MAST4: variants seen among roughly 807,000 people sequenced by gnomAD.
MAST4 encodes the protein microtubule-associated serine/threonine-protein kinase 4.
MAST4 carries 89 observed loss-of-function variants against 162.7 expected under a neutral mutation model. The ratio of observed to expected loss-of-function variants is 0.55; its 90% CI spans 0.46 to 0.65. The LOEUF is 0.65. Among genes scored for constraint, MAST4 ranks in the 30% least tolerant of loss-of-function variants. The pLI is 0.00. For synonymous variants in MAST4, 1,479 were observed against 1,361.1 expected, an observed-to-expected ratio of 1.09 and a Z score of -1.91; for missense variants, 3,153 against 3,374.0, an observed-to-expected ratio of 0.93 and a Z score of 1.62.
intron 1 of MAST4, among the ~76,000 whole-genome samples, chr5:66,711,304 A>G (rs1287676580): frequency 6.6e-6 from 1 of 152,238 alleles, no homozygotes; most frequent in Non-Finnish European, 1.5e-5. Context: ...TCTAGAGGTC[A>G]GAAGTCCAAA....
At chr5:66,853,558 T>G (rs1759465959) in intron 3 of MAST4, among the ~76,000 whole-genome samples, 5 of 152,222 alleles carry the variant, frequency 3.3e-5, no homozygotes, top group Admixed American at 2.6e-4. Flanking sequence ...AGTAATCTTG[T>G]TCAGTAATGC....
At chr5:67,092,134 T>C (rs1314593001) in intron 6 of MAST4, among the ~76,000 whole-genome samples, 5 of 152,226 alleles carry the variant, frequency 3.3e-5, no homozygotes, top group Non-Finnish European at 7.3e-5. Flanking sequence ...TGCACATTGC[T>C]GAGCCTTTAA....
rs1554087484 is a variant in MAST4, at chr5:67,049,063, A to ATATATATATATATATACGTG, written c.675-5324_675-5323insGTGTATATATATATATATAC. On this transcript the variant is annotated intron_variant, in intron 4 of 28. Transcript: ENST00000403625. Reference sequence around the variant, plus strand: ...TATACGTGTATATATATATATACGTATATATATATATATATACACTACCAT... The same window carrying ATATATATATATATATACGTG: ...TATACGTGTATATATATATATACGTATATATATATATATATACGTGTATATATATATATATACACTACCAT... Among the ~76,000 whole-genome samples the ATATATATATATATATACGTG allele has an allele frequency of 1.6e-3, 158 of 98,524 alleles. 6 individuals are homozygous for ATATATATATATATATACGTG. Among genetic ancestry groups the ATATATATATATATATACGTG allele is most frequent in the Non-Finnish European group, 2.5e-3 (114 of 46,130 alleles). The allele number at this position is 98,524 out of a possible 152,430, so 64.6% of individuals were successfully genotyped here.
intron 1 of MAST4, among the ~76,000 whole-genome samples, chr5:66,725,101 A>C (rs1751429901): frequency 6.6e-6 from 1 of 151,064 alleles, no homozygotes; most frequent in Non-Finnish European, 1.5e-5. Flanking sequence ...CTGTTTTTTT[A>C]ATTTTTAAAT....
At chr5:66,676,733 G>T (rs77618027) in intron 1 of MAST4, among the ~76,000 whole-genome samples, 4 of 152,128 alleles carry the variant, frequency 2.6e-5, no homozygotes. Context: ...TAGTTTTCAC[G>T]TTAAAGGCAT....
chr5:66,899,154 C>T (rs1325393753), intron 3 of MAST4, among the ~76,000 whole-genome samples: 1 of 152,168 alleles, frequency 6.6e-6, no homozygotes, highest in Non-Finnish European at 1.5e-5. Flanking sequence ...AGTAATTATT[C>T]TTGAGCTTTG....
intron 3 of MAST4, among the ~76,000 whole-genome samples, chr5:66,832,255 T>A (rs2149760784): frequency 6.6e-6 from 1 of 152,234 alleles, no homozygotes; most frequent in South Asian, 2.1e-4. Flanking sequence ...GACTCTCACG[T>A]GCAGCTAGAA....
chr5:66,899,911 A>G (rs1269666371), intron 3 of MAST4, 40 bp from the exon 4 acceptor site: 2 of 1,474,012 alleles, frequency 1.4e-6, no homozygotes, highest in South Asian at 2.7e-5. Context: ...TCTAAGGTTA[A>G]TGCAGCATTG....
chr5:67,025,323 A>G (rs892605387), intron 4 of MAST4, among the ~76,000 whole-genome samples: 2 of 152,210 alleles, frequency 1.3e-5, no homozygotes, highest in Non-Finnish European at 2.9e-5. Context: ...ATGAATACAA[A>G]TAAGTTTTTA....
At chr5:66,972,325 C>A (rs1055601589) in intron 4 of MAST4, among the ~76,000 whole-genome samples, 1 of 152,154 alleles carries the variant, frequency 6.6e-6, no homozygotes, top group Admixed American at 6.5e-5. Context: ...CTACTTATTT[C>A]TCTGACAGTT....
chr5:67,004,954 A>G (rs371836906), intron 4 of MAST4: 211 of 741,920 alleles, frequency 2.8e-4, no homozygotes, highest in Non-Finnish European at 4.8e-4. Flanking sequence ...CATTTTAGTC[A>G]TATGGCCTTG....
At chr5:66,817,337 A>C (rs376605995) in intron 3 of MAST4, among the ~76,000 whole-genome samples, 1 of 152,320 alleles carries the variant, frequency 6.6e-6, no homozygotes, top group East Asian at 1.9e-4. Flanking sequence ...CCTTTACTTG[A>C]AAAACCATTG....
intron 4 of MAST4, among the ~76,000 whole-genome samples, chr5:66,983,407 A>T (rs891337126): frequency 6.6e-5 from 10 of 152,172 alleles, no homozygotes; most frequent in African/African-American, 2.4e-4. Context: ...AGAAGCTAGA[A>T]TTTGGGATTC....
chr5:66,839,758 G>A, intron 3 of MAST4, among the ~76,000 whole-genome samples: 1 of 152,142 alleles, frequency 6.6e-6, no homozygotes, highest in East Asian at 1.9e-4. Context: ...TACTTGAACA[G>A]TGAGTGAATT....
rs1216926108 is a variant in MAST4, at chr5:67,136,552, C to T, written c.2393-11C>T. On this transcript the variant is annotated splice_polypyrimidine_tract_variant and intron_variant, in intron 18 of 28. Coordinates refer to ENST00000403625, the MANE Select transcript of MAST4 (RefSeq NM_001164664.2). ...AACAATATGGTTATAAACAACTTTT[C>T]TTCCTTCTAGATGAGATCAACTGGC... is the stretch of plus-strand genomic sequence containing the variant. 5.0e-6 allele frequency: 8 copies of T among 1,584,780 alleles called. No individual in the cohort carries two copies. In the South Asian group the frequency reaches 9.2e-5, roughly 18 times the overall value.
At chr5:66,876,099 A>G (rs983270915) in intron 3 of MAST4, among the ~76,000 whole-genome samples, 2 of 152,200 alleles carry the variant, frequency 1.3e-5, no homozygotes, top group African/African-American at 4.8e-5. Flanking sequence ...AAAAATGCTT[A>G]TCGTACACTC....
chr5:66,659,114 A>C (rs1030875977), intron 1 of MAST4, among the ~76,000 whole-genome samples: 3 of 152,104 alleles, frequency 2.0e-5, no homozygotes, highest in African/African-American at 7.2e-5. Context: ...TGGCATGTTG[A>C]TGGTGGCGGG....
intron 1 of MAST4, among the ~76,000 whole-genome samples, chr5:66,673,126 A>AT (rs993756232): frequency 4.6e-5 from 7 of 151,262 alleles, no homozygotes; most frequent in South Asian, 2.1e-4. Context: ...TCCTTTGGCC[A>AT]TTTTTTTTAA....
At chr5:66,627,750 T>C (rs1744532251) in intron 1 of MAST4, among the ~76,000 whole-genome samples, 4 of 152,082 alleles carry the variant, frequency 2.6e-5, no homozygotes, top group Admixed American at 2.6e-4. Context: ...AATAGGGAGC[T>C]GTAAAGCTGC....
Sources: gnomAD v4.1 joint callset for allele counts (sites outside exome capture counted in the v4.1 genomes callset) on GRCh38, gnomAD v4.1.1 for gene constraint, MANE v1.5 for transcripts, NCBI Gene and HGNC (gene_info 2026-07-23, HGNC 2026-07-21) for gene names.